NCAPD3: variants seen among roughly 807,000 people sequenced by gnomAD.
NCAPD3 encodes condensin-2 complex subunit D3.
Under a neutral mutation model 182.9 loss-of-function variants are expected in NCAPD3, and 105 were observed. The observed-to-expected ratio is 0.57, with a 90% CI of 0.49 to 0.68. The LOEUF (loss-of-function observed/expected upper bound fraction) is 0.68. Among genes scored for constraint, NCAPD3 ranks in the 30% least tolerant of loss-of-function variants. NCAPD3 has a pLI of 0.00. For missense variants in NCAPD3, 1,944 were observed against 1,837.0 expected, an observed-to-expected ratio of 1.06 and a Z score of -1.07; for synonymous variants, 815 against 679.9, an observed-to-expected ratio of 1.20 and a Z score of -3.09.
rs1943211650 is a variant in NCAPD3, at chr11:134,150,975, G to C, written c.*1969C>G. On this transcript the variant is annotated 3_prime_UTR_variant, in exon 35 of 35. Transcript: ENST00000534548. ...TCCGCCGGAGACACTGCTCCCATTT[G>C]TGGGGGGACATTAGCAACATCACTC... 1 of 152,238 alleles carries C rather than the reference G, an allele frequency of 6.6e-6. No homozygotes were observed. The highest frequency in any genetic ancestry group is 2.4e-5 in the African/African-American group (1 of 41,452). 9.4% of individuals were successfully genotyped at this position (152,238 alleles called of 1,614,324 possible).
intron 2 of NCAPD3, 70 bp from the exon 3 acceptor site, chr11:134,217,168 T>G: frequency 7.1e-7 from 1 of 1,412,048 alleles, no homozygotes; most frequent in East Asian, 2.5e-5. Context: ...TATTTGATTT[T>G]TGTAAGTTCT....
At position 134,169,066 on chromosome 11, in the gene NCAPD3, A is replaced by G. The variant is rs1053224363; in HGVS notation, c.3102-12T>C. On this transcript the variant is annotated splice_polypyrimidine_tract_variant and intron_variant, in intron 24 of 34. Coordinates refer to ENST00000534548, the MANE Select transcript of NCAPD3 (RefSeq NM_015261.3). ...AAAACTCCCCGAAGCTGCAAAGGTG[A>G]GAGAAACAAAGAGGGAGACCCATTT... The G allele has an allele frequency of 6.2e-7, 1 of 1,610,316 alleles. No individual in the cohort carries two copies. Among genetic ancestry groups the G allele is most frequent in the African/African-American group, 1.3e-5 (1 of 74,870 alleles).
intron 22 of NCAPD3, 169 bp downstream of exon 22, chr11:134,178,465 G>A: frequency 2.1e-6 from 1 of 476,460 alleles, no homozygotes; most frequent in Non-Finnish European, 3.7e-6. Flanking sequence ...CCAGCACGCA[G>A]TTATGCAGAG....
upstream of NCAPD3, chr11:134,224,590 C>G (rs1422650060): frequency 6.6e-6 from 1 of 152,290 alleles, no homozygotes; most frequent in Non-Finnish European, 1.5e-5. Flanking sequence ...TGCCGGGAGT[C>G]CCAGGAGCGT....
intron 16 of NCAPD3, among the ~76,000 whole-genome samples, chr11:134,192,094 C>T (rs144609740): frequency 1.3e-5 from 2 of 152,308 alleles, no homozygotes; most frequent in South Asian, 2.1e-4. Context: ...TAGAGTACAA[C>T]GGCTGCTCTT....
chr11:134,168,507 C>A lies in NCAPD3; in HGVS notation c.3335G>T (p.Arg1112Leu), dbSNP rs772706645. 2.5e-6 allele frequency: 4 copies of A among 1,614,200 alleles called. No homozygotes were observed. The highest frequency in any genetic ancestry group is 4.5e-5 in the East Asian group (2 of 44,884). Reference protein sequence around the residue: ...FLLEHFTDEQRFNITSKICLS... With the variant: ...FLLEHFTDEQLFNITSKICLS... ...GCAGATTTTGGAAGTGATGTTGAAT[C>A]GCTGTTCATCTGTGAAGTGCTCTAG... The change falls in exon 26 of 35, where the codon CGA becomes CTA. Residue 1112 changes from arginine to leucine, a missense_variant. Coordinates refer to ENST00000534548, the MANE Select transcript of NCAPD3 (RefSeq NM_015261.3).
intron 27 of NCAPD3, among the ~76,000 whole-genome samples, chr11:134,164,569 G>A (rs944423371): frequency 3.9e-5 from 6 of 152,122 alleles, no homozygotes; most frequent in African/African-American, 1.4e-4. Flanking sequence ...GAGCTTAGGG[G>A]AGCTGCACAC....
At chr11:134,154,068 T>C (rs952877511) in intron 32 of NCAPD3, 6 of 152,946 alleles carry the variant, frequency 3.9e-5, no homozygotes, top group African/African-American at 9.6e-5. Context: ...TGTGAGCTGC[T>C]CTGAGACCCT....
At chr11:134,178,575 T>A in intron 22 of NCAPD3, 59 bp downstream of exon 22, 1 of 1,340,862 alleles carries the variant, frequency 7.5e-7, no homozygotes, top group Non-Finnish European at 1.0e-6. Flanking sequence ...CTGGGCTTAC[T>A]TAAGACAACA....
At chr11:134,224,156 C>G, upstream of NCAPD3, 3 of 600,350 alleles carry the variant, frequency 5.0e-6, no homozygotes, top group Non-Finnish European at 8.9e-6. Context: ...TGCGGGTGTT[C>G]CGCTAATTCG....
At chr11:134,183,254 T>C (rs1250110554) in intron 19 of NCAPD3, 1 of 438,934 alleles carries the variant, frequency 2.3e-6, no homozygotes, top group Non-Finnish European at 4.6e-6. Flanking sequence ...GCTTGTGGTT[T>C]CATAGTCTGT....
chr11:134,173,543 C>G (rs1251066135), intron 24 of NCAPD3: 2 of 153,300 alleles, frequency 1.3e-5, no homozygotes, highest in African/African-American at 4.8e-5. Flanking sequence ...CATGCTGCAG[C>G]CCCTGGCCCC....
intron 19 of NCAPD3, among the ~76,000 whole-genome samples, chr11:134,182,093 G>A (rs1389653824): frequency 6.6e-6 from 1 of 152,026 alleles, no homozygotes; most frequent in Non-Finnish European, 1.5e-5. Flanking sequence ...CCACAACATT[G>A]GCCCAAAGAG....
At chr11:134,191,652 T>A (rs1200657996) in intron 16 of NCAPD3, among the ~76,000 whole-genome samples, 5 of 152,192 alleles carry the variant, frequency 3.3e-5, no homozygotes, top group Non-Finnish European at 7.3e-5. Context: ...TAAGGAGGTA[T>A]CTCTAAGAAA....
chr11:134,219,220 C>G (rs1219372325), intron 2 of NCAPD3, among the ~76,000 whole-genome samples: 1 of 152,214 alleles, frequency 6.6e-6, no homozygotes, highest in East Asian at 1.9e-4. Flanking sequence ...AGATTCGCTG[C>G]TGGCCACTTT....
At chr11:134,154,209 T>C (rs1364772541) in intron 32 of NCAPD3, among the ~76,000 whole-genome samples, 4 of 152,186 alleles carry the variant, frequency 2.6e-5, no homozygotes, top group Admixed American at 2.6e-4. Context: ...TCAAGAGATG[T>C]TAGCAGCCAC....
chr11:134,167,493 GGC>G (rs1180605438), intron 27 of NCAPD3, among the ~76,000 whole-genome samples: 7 of 143,924 alleles, frequency 4.9e-5, no homozygotes, highest in African/African-American at 1.3e-4. Flanking sequence ...GCTTGGGGGA[GGC>G]GCACACTCGT....
chr11:134,163,086 G>A (rs1308392373), intron 27 of NCAPD3, among the ~76,000 whole-genome samples: 1 of 152,154 alleles, frequency 6.6e-6, no homozygotes, highest in Admixed American at 6.5e-5. Flanking sequence ...TAGAGGTGAG[G>A]ATGGAGGGAG....
chr11:134,182,519 A>G (rs920973963), intron 19 of NCAPD3, among the ~76,000 whole-genome samples: 6 of 152,200 alleles, frequency 3.9e-5, no homozygotes, highest in Non-Finnish European at 8.8e-5. Context: ...AGTTCCTTAC[A>G]TAACTTGCTT....
Sources: gnomAD v4.1 joint callset for allele counts (sites outside exome capture counted in the v4.1 genomes callset) on GRCh38, gnomAD v4.1.1 for gene constraint, MANE v1.5 for transcripts, NCBI Gene and HGNC (gene_info 2026-07-23, HGNC 2026-07-21) for gene names.